KRT20: variants seen among roughly 807,000 people sequenced by gnomAD.
KRT20 encodes keratin 20.
In KRT20, 41 loss-of-function variants were observed where a neutral mutation model predicts 43.0. The ratio of observed to expected loss-of-function variants is 0.95; its 90% CI spans 0.74 to 1.24. KRT20 has a LOEUF of 1.24. Among genes scored for constraint, KRT20 ranks in the 50% most tolerant of loss-of-function variants. The pLI, the probability that KRT20 is intolerant of heterozygous loss-of-function variation, is 0.00. For synonymous variants in KRT20, 207 were observed against 200.6 expected, an observed-to-expected ratio of 1.03 and a Z score of -0.27; for missense variants, 533 against 521.2, an observed-to-expected ratio of 1.02 and a Z score of -0.22.
intron 2 of KRT20, 141 bp from the exon 3 acceptor site, chr17:40,880,911 A>G (rs1444321007): frequency 3.7e-6 from 2 of 537,492 alleles, no homozygotes; most frequent in Non-Finnish European, 6.0e-6. Flanking sequence ...CCTTTACACA[A>G]TCATGAAATT....
chr17:40,876,267 T>C lies in KRT20; in HGVS notation c.*94A>G. ...TCTAATCACTGCAGAGTATTAATAG[T>C]GCTTTCTTATGGCTGATTTCTTGCA... On this transcript the variant is annotated 3_prime_UTR_variant, in exon 8 of 8. Coordinates refer to ENST00000167588, the MANE Select transcript of KRT20 (RefSeq NM_019010.3). The C allele has an allele frequency of 1.2e-6, 1 of 809,706 alleles. No homozygotes were observed. The highest frequency in any genetic ancestry group is 2.2e-6 in the Non-Finnish European group (1 of 460,594). The allele number at this position is 809,706 out of a possible 1,614,324, so 50.2% of individuals were successfully genotyped here.
Position 40,876,402 on chromosome 17 carries a change from C to G in KRT20, c.1234G>C (p.Val412Leu). ...TVVQEVVDGKVVSSEVKEVEE... is the reference protein window; with the variant it reads ...TVVQEVVDGKLVSSEVKEVEE... ...ACCTCTTTGACTTCAGATGACACGA[C>G]CTTGCCATCCACTACTTCTTGCACG... The change falls in exon 8 of 8, where the codon GTC becomes CTC. Residue 412 changes from valine to leucine, a missense_variant. Val to Leu is a conservative substitution (Grantham distance 32, BLOSUM62 1). Transcript: ENST00000167588. The G allele has an allele frequency of 6.2e-7, 1 of 1,613,382 alleles. No individual in the cohort carries two copies. Among genetic ancestry groups the G allele is most frequent in the African/African-American group, 1.3e-5 (1 of 75,016 alleles).
chr17:40,881,382 G>A (rs1253749038), intron 2 of KRT20, among the ~76,000 whole-genome samples: 1 of 152,052 alleles, frequency 6.6e-6, no homozygotes, highest in Non-Finnish European at 1.5e-5. Flanking sequence ...CCAAGTAGCT[G>A]GGACAGCAGA....
Position 40,878,270 on chromosome 17 carries a change from T to C in KRT20, c.1014A>G (p.Gln338=), listed in dbSNP as rs200787929. The change falls in exon 6 of 8, where the codon CAA becomes CAG. Residue 338 remains glutamine, a synonymous_variant. Coordinates refer to ENST00000167588, the MANE Select transcript of KRT20 (RefSeq NM_019010.3). ...LQSLLSSLEA[Q]LMQIRSNMER... is the part of the protein sequence containing the mutation. ...CCATGTTACTCCGAATCTGCATCAG[T>C]TGGGCCTCCAGAGAGCTCAACAGCG... is the stretch of plus-strand genomic sequence containing the variant. 1.2e-5 allele frequency: 19 copies of C among 1,614,152 alleles called. No individual in the cohort carries two copies. Among genetic ancestry groups the C allele is most frequent in the African/African-American group, 2.7e-5 (2 of 75,046 alleles).
Position 40,880,237 on chromosome 17 carries a change from GATGCTTGTGTAGGCC to G in KRT20, c.640_654del (p.Gly214_His218del). ...ACCTCCACATTGACAGTGTTGCCCA[GATGCTTGTGTAGGCC>G]ATCGACTTCCTATGAAAGTGAAATT... On this transcript the variant is annotated inframe_deletion, in exon 4 of 8. Transcript: ENST00000167588. The G allele has an allele frequency of 6.2e-7, 1 of 1,608,868 alleles. No individual in the cohort carries two copies. Among genetic ancestry groups the G allele is most frequent in the Non-Finnish European group, 8.5e-7 (1 of 1,177,730 alleles).
In KRT20 at chr17:40,876,218, T is replaced by C; in HGVS notation, c.*143A>G. On this transcript the variant is annotated 3_prime_UTR_variant, in exon 8 of 8. Transcript: ENST00000167588. ...ATATTCAATTACAGAGTCTGATAAA[T>C]AGGATTCCCGCCACCCCACCCCTTC... 1 of 524,938 alleles carries C rather than the reference T, an allele frequency of 1.9e-6. No homozygotes were observed. Among genetic ancestry groups the C allele is most frequent in the South Asian group, 3.5e-5 (1 of 28,606 alleles). The allele number at this position is 524,938 out of a possible 1,614,324, so 32.5% of individuals were successfully genotyped here.
chr17:40,880,642 A>G lies in KRT20; in HGVS notation c.602T>C (p.Leu201Pro). 6.2e-7 allele frequency: 1 copy of G among 1,613,300 alleles called. No individual in the cohort carries two copies. Among genetic ancestry groups the G allele is most frequent in the Non-Finnish European group, 8.5e-7 (1 of 1,179,740 alleles). Residue 201 changes from leucine (L) to proline (P), a missense_variant, in exon 3 of 8, where the codon CTA (leucine) becomes CCA (proline). Leu to Pro is a moderately conservative substitution (Grantham distance 98). Transcript: ENST00000167588. The part of the protein sequence containing the change: ...EIQIEELNKD[L>P]ALLKKEHQEE... ...CTGATGCTCCTTTTTGAGGAGAGCT[A>G]GGTCTTTATTCAGTTCTTCAATTTG...
chr17:40,883,817 C>A (rs1337105957), intron 1 of KRT20, among the ~76,000 whole-genome samples: 1 of 152,148 alleles, frequency 6.6e-6, no homozygotes, highest in Non-Finnish European at 1.5e-5. Flanking sequence ...GAACTTTATT[C>A]CGGAAGGGCT....
At chr17:40,881,439 G>T (rs35984077) in intron 2 of KRT20, among the ~76,000 whole-genome samples, 19,850 of 152,012 alleles carry the variant, frequency 0.13, 1,870 homozygotes, top group East Asian at 0.41. Context: ...TTTGTATAGA[G>T]ATGTGGTTTT....
At position 40,881,997 on chromosome 17, in the gene KRT20, G is replaced by A. The variant is rs143801010; in HGVS notation, c.473+575C>T. Among the ~76,000 whole-genome samples the A allele has an allele frequency of 5.7e-3, 858 of 151,560 alleles. 6 individuals are homozygous for A. Among genetic ancestry groups the A allele is most frequent in the African/African-American group, 0.02 (814 of 41,264 alleles). Reference sequence around the variant, plus strand: ...AAGCGATTCTCCTGCCTCAGCCTCCGGAGTAGCTGGGATTACAGACATACG... The same window carrying A: ...AAGCGATTCTCCTGCCTCAGCCTCCAGAGTAGCTGGGATTACAGACATACG... On this transcript the variant is annotated intron_variant, in intron 2 of 7. Coordinates refer to ENST00000167588, the MANE Select transcript of KRT20 (RefSeq NM_019010.3).
chr17:40,879,766 TG>T (rs765931824), intron 5 of KRT20, 46 bp downstream of exon 5: 38 of 1,607,140 alleles, frequency 2.4e-5, no homozygotes, highest in Non-Finnish European at 3.2e-5. Flanking sequence ...CAGAGGACCT[TG>T]GTAAACACAT....
At position 40,880,607 on chromosome 17, in the gene KRT20, T is replaced by C. The variant is rs371671029; in HGVS notation, c.630+7A>G. 2 of 1,611,298 alleles carry C rather than the reference T, an allele frequency of 1.2e-6. No individual in the cohort carries two copies. The highest frequency in any genetic ancestry group is 1.7e-6 in the Non-Finnish European group (2 of 1,178,498). On this transcript the variant is annotated splice_region_variant and intron_variant, in intron 3 of 7. Transcript: ENST00000167588. ...GTTTCCAATACCACTTCTGAATATT[T>C]TCTCACCTCCTGATGCTCCTTTTTG...
Position 40,877,364 on chromosome 17 carries a change from A to G in KRT20, c.1177+16T>C. 1 of 1,533,868 alleles carries G rather than the reference A, an allele frequency of 6.5e-7. No individual in the cohort carries two copies. The highest frequency in any genetic ancestry group is 8.7e-7 in the Non-Finnish European group (1 of 1,146,796). On this transcript the variant is annotated intron_variant, in intron 7 of 7. Coordinates refer to ENST00000167588, the MANE Select transcript of KRT20 (RefSeq NM_019010.3). Reference sequence around the variant, plus strand: ...AGCTGAATGTCATAGAAAATGTGCAAAAATTTAGAACTTACCTCTCTCTTC... The same window carrying G: ...AGCTGAATGTCATAGAAAATGTGCAGAAATTTAGAACTTACCTCTCTCTTC...
At chr17:40,882,822 G>C (rs1907660645) in intron 1 of KRT20, among the ~76,000 whole-genome samples, 168 bp from the exon 2 acceptor site, 1 of 151,904 alleles carries the variant, frequency 6.6e-6, no homozygotes, top group Non-Finnish European at 1.5e-5. Context: ...CAATTATCCT[G>C]CCTCAGCCTC....
At chr17:40,881,879 C>CTT (rs112248312) in intron 2 of KRT20, among the ~76,000 whole-genome samples, 2,458 of 146,106 alleles carry the variant, frequency 0.017, 65 homozygotes, top group African/African-American at 0.054. Flanking sequence ...TTCTTTCTTC[C>CTT]TTTTTTTTTT....
chr17:40,878,052 G>T (rs1026587105), intron 6 of KRT20, 93 bp downstream of exon 6: 11 of 1,068,372 alleles, frequency 1.0e-5, no homozygotes, highest in African/African-American at 1.6e-5. Context: ...CTGTCCTAGG[G>T]ATTGCATTGG....
chr17:40,880,205 A>G lies in KRT20; in HGVS notation c.687T>C (p.Ala229=), dbSNP rs762186289. ...TGACGCCAAGGTTCAGGCCTGGAGC[A>G]GCATCAACCTCCACATTGACAGTGT... is the stretch of plus-strand genomic sequence containing the variant. ...LGNTVNVEVD[A]APGLNLGVIM... is the part of the protein sequence containing the mutation. The change falls in exon 4 of 8, where the codon GCT becomes GCC. Residue 229 remains alanine, a synonymous_variant. Coordinates refer to ENST00000167588, the MANE Select transcript of KRT20 (RefSeq NM_019010.3). 9.9e-6 allele frequency: 16 copies of G among 1,614,088 alleles called. No individual in the cohort carries two copies. Among genetic ancestry groups the G allele is most frequent in the African/African-American group, 2.7e-5 (2 of 75,038 alleles).
chr17:40,884,491 A>G (rs16966387), intron 1 of KRT20, among the ~76,000 whole-genome samples: 1,781 of 152,324 alleles, frequency 0.012, 37 homozygotes, highest in African/African-American at 0.04. Flanking sequence ...CTTTTCAGAA[A>G]GATTGTTCAC....
rs1200271729 is a variant in KRT20 at position 40,876,294 on chromosome 17, G to A, written c.*67C>T. 6.0e-6 allele frequency: 6 copies of A among 995,448 alleles called. No homozygotes were observed. Among genetic ancestry groups the A allele is most frequent in the Non-Finnish European group, 9.7e-6 (6 of 619,754 alleles). 61.7% of individuals were successfully genotyped at this position (995,448 alleles called of 1,614,324 possible). On this transcript the variant is annotated 3_prime_UTR_variant, in exon 8 of 8. Coordinates refer to ENST00000167588, the MANE Select transcript of KRT20 (RefSeq NM_019010.3). ...CTTTCTTATGGCTGATTTCTTGCAG[G>A]GAGCAAAGATAAGATTATAGCCAAA...
Sources: gnomAD v4.1 joint callset for allele counts (sites outside exome capture counted in the v4.1 genomes callset) on GRCh38, gnomAD v4.1.1 for gene constraint, MANE v1.5 for transcripts, NCBI Gene and HGNC (gene_info 2026-07-23, HGNC 2026-07-21) for gene names.